EHMT1: variants seen among roughly 807,000 people sequenced by gnomAD.
EHMT1 encodes histone-lysine N-methyltransferase EHMT1.
In EHMT1, 15 loss-of-function variants were observed where a neutral mutation model predicts 147.2. That is an observed-to-expected ratio of 0.10 (90% CI 0.07 to 0.16). The LOEUF is 0.16. Among genes scored for constraint, EHMT1 ranks in the 10% least tolerant of loss-of-function variants. The pLI is 1.00. For missense variants in EHMT1, 1,587 were observed against 1,772.4 expected (o/e 0.90, Z 1.88); for synonymous variants, 795 against 709.6 (o/e 1.12, Z -1.91).
intron 3 of EHMT1, among the ~76,000 whole-genome samples, chr9:137,725,976 T>C (rs2135738626): frequency 6.6e-6 from 1 of 152,284 alleles, no homozygotes; most frequent in South Asian, 2.1e-4. Context: ...CTCAGAGCTG[T>C]CTCTGCAGCC....
In EHMT1 at chr9:137,790,998, C is replaced by G. The variant is rs775280888; in HGVS notation, c.2505+28C>G. On this transcript the variant is annotated intron_variant, in intron 16 of 26. Coordinates refer to ENST00000460843, the MANE Select transcript of EHMT1 (RefSeq NM_024757.5). The stretch of plus-strand genomic sequence containing the variant: ...ATGTTCCCCTGTCAGAATCAACGTC[C>G]TAGTGTGTGTGTAGACGTTTCTCAG... The G allele has an allele frequency of 4.3e-6, 7 of 1,614,150 alleles. No individual in the cohort carries two copies. In the Admixed American group the frequency reaches 1.0e-4, roughly 23 times the overall value.
chr9:137,708,668 G>T (rs866008785), intron 1 of EHMT1, among the ~76,000 whole-genome samples: 5 of 152,338 alleles, frequency 3.3e-5, no homozygotes, highest in Middle Eastern at 3.4e-3. Context: ...AAAAGGTAGA[G>T]TTTTAACATT....
chr9:137,626,090 C>G (rs2133512725), intron 1 of EHMT1, among the ~76,000 whole-genome samples: 1 of 148,174 alleles, frequency 6.7e-6, no homozygotes, highest in African/African-American at 2.5e-5. Flanking sequence ...TGGTCTCAAA[C>G]TCCTGACCTC....
chr9:137,636,393 C>CT (rs922092375), intron 1 of EHMT1, among the ~76,000 whole-genome samples: 1 of 152,074 alleles, frequency 6.6e-6, no homozygotes, highest in Non-Finnish European at 1.5e-5. Flanking sequence ...AATCTGGACA[C>CT]TTTTTTGTCC....
intron 9 of EHMT1, among the ~76,000 whole-genome samples, chr9:137,761,992 G>A (rs1017318860): frequency 3.9e-5 from 6 of 152,208 alleles, no homozygotes; most frequent in Non-Finnish European, 8.8e-5. Flanking sequence ...TCCCATCCGG[G>A]GCTGGGGCAG....
intron 8 of EHMT1, among the ~76,000 whole-genome samples, chr9:137,755,292 A>G (rs1212841839): frequency 6.6e-6 from 1 of 151,594 alleles, no homozygotes; most frequent in African/African-American, 2.4e-5. Flanking sequence ...CTCTGTTTCC[A>G]TGTATTGGTT....
chr9:137,814,975 G>C (rs1238388590), intron 22 of EHMT1: 3 of 274,708 alleles, frequency 1.1e-5, no homozygotes, highest in Non-Finnish European at 2.2e-5. Flanking sequence ...GAGGAGCCCA[G>C]GTTGGAGGCT....
At chr9:137,624,164 AT>A (rs1843111964) in intron 1 of EHMT1, among the ~76,000 whole-genome samples, 1 of 150,806 alleles carries the variant, frequency 6.6e-6, no homozygotes, top group African/African-American at 2.4e-5. Context: ...TCACGCCCAG[AT>A]AATTTTTTTG....
chr9:137,727,159 C>G (rs1946711728), intron 3 of EHMT1, among the ~76,000 whole-genome samples: 1 of 151,858 alleles, frequency 6.6e-6, no homozygotes, highest in South Asian at 2.1e-4. Flanking sequence ...GTAAATTTTT[C>G]TTTGTAGAGA....
chr9:137,752,308 G>T, intron 6 of EHMT1, 23 bp from the exon 7 acceptor site: 1 of 1,613,490 alleles, frequency 6.2e-7, no homozygotes, highest in Non-Finnish European at 8.5e-7. Flanking sequence ...TTGGGTTCCC[G>T]CTTCGACTGT....
chr9:137,826,728 C>T lies in EHMT1; in HGVS notation c.3541-7621C>T, dbSNP rs372707114. Among the ~76,000 whole-genome samples the T allele has an allele frequency of 1.2e-4, 18 of 152,324 alleles. No homozygotes were observed. In the East Asian group the frequency reaches 3.5e-3, roughly 29 times the overall value. On this transcript the variant is annotated intron_variant, in intron 25 of 26. Transcript: ENST00000460843. Reference sequence around the variant, plus strand: ...GAGCTTTGCTGGGGCTTCGAAACCACCTCCTAATGGCAGCATTGTGCACAC... The same window carrying T: ...GAGCTTTGCTGGGGCTTCGAAACCATCTCCTAATGGCAGCATTGTGCACAC...
At chr9:137,669,645 G>T (rs562500289) in intron 1 of EHMT1, among the ~76,000 whole-genome samples, 3 of 150,142 alleles carry the variant, frequency 2.0e-5, no homozygotes, top group East Asian at 2.0e-4. Context: ...TTCACTTTTT[G>T]CTCTCTTCGG....
chr9:137,813,397 G>A lies in EHMT1; in HGVS notation c.3047G>A (p.Arg1016Gln), dbSNP rs1308797228. The change falls in exon 21 of 27, where the codon CGA (arginine) becomes CAA (glutamine). Residue 1016 changes from arginine to glutamine, a missense_variant. Physicochemically the swap from Arg to Gln is conservative, Grantham distance 43. This residue lies in a region of EHMT1 where 78 missense variants were observed against 68.9 expected (regional missense o/e 1.13). Coordinates refer to ENST00000460843, the MANE Select transcript of EHMT1 (RefSeq NM_024757.5). The surrounding 1 kb of genome is among the most constrained non-coding windows in gnomAD (Gnocchi z 4.9). The stretch of plus-strand genomic sequence containing the variant: ...CCTTTCCATGGCAGGGACATCGCTC[G>A]AGGCTACGAGCGCATCCCCATCCCC... ...VERIVSRDIA[R>Q]GYERIPIPCV... is the part of the protein sequence containing the mutation. 1.2e-6 allele frequency: 2 copies of A among 1,612,106 alleles called. No individual in the cohort carries two copies. Among genetic ancestry groups the A allele is most frequent in the East Asian group, 2.2e-5 (1 of 44,826 alleles).
intron 1 of EHMT1, among the ~76,000 whole-genome samples, chr9:137,627,116 G>A (rs1280883275): frequency 2.0e-5 from 3 of 151,742 alleles, no homozygotes; most frequent in Admixed American, 6.6e-5. Flanking sequence ...GCGCCACCAC[G>A]CTCGGCTAAT....
chr9:137,742,037 G>T (rs1191437052), intron 4 of EHMT1, among the ~76,000 whole-genome samples: 1 of 152,220 alleles, frequency 6.6e-6, no homozygotes, highest in Non-Finnish European at 1.5e-5. Context: ...GCCTGTTATA[G>T]TGTGGACAGA....
At chr9:137,652,954 C>A (rs1254666639) in intron 1 of EHMT1, among the ~76,000 whole-genome samples, 1 of 152,106 alleles carries the variant, frequency 6.6e-6, no homozygotes, top group Non-Finnish European at 1.5e-5. Context: ...TCTTGAACTC[C>A]TGACCTCAGG....
intron 1 of EHMT1, among the ~76,000 whole-genome samples, chr9:137,672,244 A>G (rs1194919591): frequency 6.6e-6 from 1 of 152,208 alleles, no homozygotes; most frequent in Non-Finnish European, 1.5e-5. Flanking sequence ...CTTCATTTTC[A>G]TAAAGTGTTT....
At chr9:137,724,941 G>A (rs28500657) in intron 3 of EHMT1, among the ~76,000 whole-genome samples, 1 of 120,674 alleles carries the variant, frequency 8.3e-6, no homozygotes, top group Admixed American at 7.6e-5. Flanking sequence ...TGTGGCATTC[G>A]TGGGGCAGGC....
intron 1 of EHMT1, among the ~76,000 whole-genome samples, chr9:137,664,689 A>G (rs1371005882): frequency 6.6e-6 from 1 of 151,364 alleles, no homozygotes; most frequent in East Asian, 1.9e-4. Context: ...TATTTCCCTT[A>G]GTTTGCCTTC....
Sources: allele counts gnomAD v4.1 joint callset (sites outside exome capture counted in the v4.1 genomes callset), GRCh38; gene constraint gnomAD v4.1.1; regional missense constraint gnomAD v4.1.1; non-coding constraint Gnocchi (gnomAD v3.1); transcripts MANE v1.5; gene names NCBI Gene and HGNC (gene_info 2026-07-23, HGNC 2026-07-21).